The following TBC1D22A variants were observed in gnomAD, a reference collection of about 807,000 sequenced individuals.
TBC1D22A encodes the protein putative GTPase activator.
TBC1D22A carries 38 observed loss-of-function variants against 60.2 expected under a neutral mutation model. That is an observed-to-expected ratio of 0.63 (90% CI 0.49 to 0.83). TBC1D22A has a LOEUF of 0.83. Among genes scored for constraint, TBC1D22A ranks in the 40% least tolerant of loss-of-function variants. The pLI is 0.00. For missense variants in TBC1D22A, 628 were observed against 701.0 expected, an observed-to-expected ratio of 0.90 and a Z score of 1.18; for synonymous variants, 302 against 281.7, an observed-to-expected ratio of 1.07 and a Z score of -0.72.
intron 11 of TBC1D22A, among the ~76,000 whole-genome samples, chr22:47,041,189 T>C (rs1344671571): frequency 6.6e-6 from 1 of 152,236 alleles, no homozygotes; most frequent in Non-Finnish European, 1.5e-5. Context: ...TCTAGTGATA[T>C]CCAAGAGGCC....
At chr22:46,860,980 T>G (rs980738255) in intron 4 of TBC1D22A, among the ~76,000 whole-genome samples, 1 of 115,828 alleles carries the variant, frequency 8.6e-6, no homozygotes, top group African/African-American at 4.0e-5. Flanking sequence ...AGATAATAAA[T>G]TAATTTTTTT....
intron 11 of TBC1D22A, among the ~76,000 whole-genome samples, chr22:47,087,162 C>T (rs866048972): frequency 8.5e-5 from 13 of 152,260 alleles, no homozygotes; most frequent in Middle Eastern, 3.4e-3. Context: ...CACGCATACG[C>T]GCATGCACAC....
intron 4 of TBC1D22A, among the ~76,000 whole-genome samples, chr22:46,836,817 G>A (rs2147187864): frequency 6.6e-6 from 1 of 152,230 alleles, no homozygotes; most frequent in South Asian, 2.1e-4. Context: ...ACAAAAGAGA[G>A]CAGGGGTGAC....
In TBC1D22A at chr22:47,173,648, G is replaced by A. The variant is rs773638188; in HGVS notation, c.*22G>A. 1 of 1,613,206 alleles carries A rather than the reference G, an allele frequency of 6.2e-7. No homozygotes were observed. The highest frequency in any genetic ancestry group is 1.1e-5 in the South Asian group (1 of 91,072). Reference sequence around the variant, plus strand: ...ATGAGCCCAGGCCCACCCGCAGCTGGCCTCACTGTCCCGGGTGGCGCGCCC... The same window carrying A: ...ATGAGCCCAGGCCCACCCGCAGCTGACCTCACTGTCCCGGGTGGCGCGCCC... On this transcript the variant is annotated 3_prime_UTR_variant, in exon 13 of 13. Transcript: ENST00000337137.
chr22:47,081,547 C>T (rs549308704), intron 11 of TBC1D22A, among the ~76,000 whole-genome samples: 5 of 152,224 alleles, frequency 3.3e-5, no homozygotes, highest in African/African-American at 1.2e-4. Context: ...GGAAAAAGCT[C>T]AATTGTCCTT....
chr22:46,781,518 A>G (rs1273536801), intron 1 of TBC1D22A, among the ~76,000 whole-genome samples: 2 of 152,086 alleles, frequency 1.3e-5, no homozygotes. Flanking sequence ...CTCGCCTGCC[A>G]TGGGTGTCCT....
intron 4 of TBC1D22A, among the ~76,000 whole-genome samples, chr22:46,827,121 C>T (rs1290771331): frequency 6.6e-6 from 1 of 152,186 alleles, no homozygotes; most frequent in Admixed American, 6.5e-5. Context: ...TTTATAAGTG[C>T]CACGATTCCT....
chr22:47,098,550 A>G (rs5767486), intron 11 of TBC1D22A, among the ~76,000 whole-genome samples: 64,561 of 151,566 alleles, frequency 0.43, 14,478 homozygotes, highest in African/African-American at 0.58. Flanking sequence ...AGGGCCAGGC[A>G]AGGCATCCCC....
chr22:46,787,955 G>A (rs1277041804), intron 1 of TBC1D22A, among the ~76,000 whole-genome samples: 1 of 50,272 alleles, frequency 2.0e-5, no homozygotes, highest in South Asian at 5.9e-4. Context: ...TTTTTTTTTT[G>A]GGACGGAGTC....
At chr22:47,080,628 T>C (rs569774112) in intron 11 of TBC1D22A, among the ~76,000 whole-genome samples, 2 of 150,014 alleles carry the variant, frequency 1.3e-5, no homozygotes, top group African/African-American at 4.9e-5. Context: ...TGTAAAAATA[T>C]ATATATATAT....
At chr22:47,064,598 C>T (rs1392402521) in intron 11 of TBC1D22A, among the ~76,000 whole-genome samples, 1 of 152,220 alleles carries the variant, frequency 6.6e-6, no homozygotes, top group African/African-American at 2.4e-5. Context: ...CCTGCCCAGC[C>T]GTGCTCAGCA....
intron 8 of TBC1D22A, among the ~76,000 whole-genome samples, chr22:46,946,531 A>G (rs1390506753): frequency 6.6e-6 from 1 of 152,190 alleles, no homozygotes; most frequent in Non-Finnish European, 1.5e-5. Flanking sequence ...TGTAAGATCC[A>G]AGGGCACAGG....
chr22:46,910,778 C>A (rs566511955), intron 7 of TBC1D22A, among the ~76,000 whole-genome samples: 1 of 151,980 alleles, frequency 6.6e-6, no homozygotes, highest in East Asian at 1.9e-4. Context: ...GAGTCGAGAC[C>A]CAGGGTGCGG....
At chr22:47,098,606 A>C (rs1331357764) in intron 11 of TBC1D22A, among the ~76,000 whole-genome samples, 3 of 151,048 alleles carry the variant, frequency 2.0e-5, no homozygotes, top group Non-Finnish European at 4.4e-5. Context: ...CAGGTGAGGC[A>C]TCTCCCCGAC....
chr22:47,135,259 C>T (rs186039094), intron 12 of TBC1D22A, among the ~76,000 whole-genome samples: 44 of 152,340 alleles, frequency 2.9e-4, no homozygotes, highest in Non-Finnish European at 5.0e-4. Context: ...GTTAATCCCA[C>T]GGTCCTTCGA....
intron 1 of TBC1D22A, among the ~76,000 whole-genome samples, chr22:46,783,591 GT>G (rs10551971): frequency 1.5e-4 from 22 of 151,344 alleles, no homozygotes; most frequent in South Asian, 6.3e-4. Flanking sequence ...TGCAGGAGCA[GT>G]TTTTTTTTTA....
chr22:46,771,300 G>A (rs1322583900), intron 1 of TBC1D22A, among the ~76,000 whole-genome samples: 2 of 152,012 alleles, frequency 1.3e-5, no homozygotes, highest in African/African-American at 4.8e-5. Flanking sequence ...ACAAGTCTTC[G>A]GAGACCACTT....
At chr22:47,066,750 G>A (rs1603225819) in intron 11 of TBC1D22A, among the ~76,000 whole-genome samples, 1 of 152,270 alleles carries the variant, frequency 6.6e-6, no homozygotes, top group African/African-American at 2.4e-5. Flanking sequence ...GGAAACCCTA[G>A]GTCCCCCATG....
At chr22:47,030,195 C>G (rs1040182083) in intron 10 of TBC1D22A, among the ~76,000 whole-genome samples, 1 of 152,140 alleles carries the variant, frequency 6.6e-6, no homozygotes, top group African/African-American at 2.4e-5. Context: ...CATGGCTGTC[C>G]CAGCCAAAGC....
Sources: allele counts gnomAD v4.1 joint callset (sites outside exome capture counted in the v4.1 genomes callset), GRCh38; gene constraint gnomAD v4.1.1; transcripts MANE v1.5; gene names NCBI Gene and HGNC (gene_info 2026-07-23, HGNC 2026-07-21).